Variants in ENPP3 observed in about 807,000 individuals in gnomAD.
The protein encoded by ENPP3 is ectonucleotide pyrophosphatase/phosphodiesterase family member 3.
Under a neutral mutation model 117.8 loss-of-function variants are expected in ENPP3, and 104 were observed. The ratio of observed to expected loss-of-function variants is 0.88; its 90% CI spans 0.75 to 1.04. The LOEUF (loss-of-function observed/expected upper bound fraction) is 1.04. Ranked by LOEUF, ENPP3 falls within the 50% of genes least tolerant of loss-of-function variation. The pLI, the probability that ENPP3 is intolerant of heterozygous loss-of-function variation, is 0.00. For missense variants in ENPP3, 1,026 were observed against 1,051.9 expected (o/e 0.98, Z 0.34); for synonymous variants, 380 against 349.9 (o/e 1.09, Z -0.96).
chr6:131,669,563 A>G (rs112203437), intron 6 of ENPP3, among the ~76,000 whole-genome samples: 6,327 of 145,656 alleles, frequency 0.043, 210 homozygotes, highest in Middle Eastern at 0.14. Flanking sequence ...AGTCCCAGCT[A>G]CTCGGGAGGC....
intron 7 of ENPP3, among the ~76,000 whole-genome samples, chr6:131,672,665 A>G (rs1182277564): frequency 1.3e-5 from 2 of 151,746 alleles, no homozygotes; most frequent in African/African-American, 2.4e-5. Context: ...ATAATTGACT[A>G]TATATACATA....
intron 24 of ENPP3, among the ~76,000 whole-genome samples, chr6:131,741,414 T>G (rs1182880496): frequency 6.6e-6 from 1 of 152,188 alleles, no homozygotes; most frequent in Non-Finnish European, 1.5e-5. Context: ...TAAAAGAGGT[T>G]GCAAAGTTGG....
chr6:131,729,311 A>G (rs1780224652), intron 20 of ENPP3, among the ~76,000 whole-genome samples: 1 of 152,232 alleles, frequency 6.6e-6, no homozygotes, highest in Admixed American at 6.5e-5. Flanking sequence ...CCTTACCGTA[A>G]GGCAAAATTG....
chr6:131,701,957 T>C, intron 15 of ENPP3, among the ~76,000 whole-genome samples: 1 of 151,990 alleles, frequency 6.6e-6, no homozygotes, highest in East Asian at 1.9e-4. Context: ...ATTACGTTAA[T>C]TTTTTAATAA....
At chr6:131,686,340 C>T (rs1007411583) in intron 14 of ENPP3, among the ~76,000 whole-genome samples, 1 of 152,156 alleles carries the variant, frequency 6.6e-6, no homozygotes, top group Non-Finnish European at 1.5e-5. Flanking sequence ...TTGGTTCCCA[C>T]ATCCCAAATT....
In ENPP3 at chr6:131,637,674, C is replaced by T. The variant is rs972998827; in HGVS notation, c.78+212C>T. On this transcript the variant is annotated intron_variant, in intron 1 of 24. Transcript: ENST00000357639. ...TTTGAGTAACAACAAGTTAACATTA[C>T]GTTAAACTCAAAAGTTGGAATCCAT... 4.6e-5 allele frequency among the ~76,000 whole-genome samples: 7 copies of T among 152,242 alleles called. No individual in the cohort carries two copies. In the South Asian group the frequency reaches 8.3e-4, roughly 18 times the overall value.
intron 15 of ENPP3, among the ~76,000 whole-genome samples, chr6:131,716,253 C>A (rs995064419): frequency 3.3e-5 from 5 of 152,126 alleles, no homozygotes; most frequent in South Asian, 4.1e-4. Flanking sequence ...TATCATTGTT[C>A]CATATGTAAC....
chr6:131,706,636 C>G, intron 15 of ENPP3, among the ~76,000 whole-genome samples: 1 of 149,752 alleles, frequency 6.7e-6, no homozygotes, highest in Non-Finnish European at 1.5e-5. Flanking sequence ...TTATAGAGAG[C>G]TTTTATCATG....
chr6:131,659,293 A>AC (rs1439534283), intron 6 of ENPP3, among the ~76,000 whole-genome samples: 6 of 148,208 alleles, frequency 4.0e-5, no homozygotes, highest in African/African-American at 1.6e-4. Flanking sequence ...ATTTAATAAT[A>AC]ATTTTTTTTT....
At chr6:131,697,357 T>C (rs2114464132) in intron 15 of ENPP3, among the ~76,000 whole-genome samples, 1 of 140,672 alleles carries the variant, frequency 7.1e-6, no homozygotes, top group South Asian at 2.4e-4. Flanking sequence ...ACGAGGATGG[T>C]CTAGCGCAGT....
At chr6:131,720,194 T>C (rs1193096171) in intron 16 of ENPP3, 98 bp from the exon 17 acceptor site, 3 of 680,276 alleles carry the variant, frequency 4.4e-6, no homozygotes, top group African/African-American at 3.7e-5. Context: ...CTAATACAAA[T>C]AGGAGAGTAG....
intron 24 of ENPP3, among the ~76,000 whole-genome samples, chr6:131,743,663 A>G (rs552021642): frequency 6.6e-6 from 1 of 151,986 alleles, no homozygotes; most frequent in South Asian, 2.1e-4. Flanking sequence ...CATCTATACT[A>G]AAAATACAAA....
At chr6:131,733,169 A>C (rs1237667780) in intron 20 of ENPP3, among the ~76,000 whole-genome samples, 1 of 152,228 alleles carries the variant, frequency 6.6e-6, no homozygotes, top group Admixed American at 6.5e-5. Context: ...GTTCTTGAAC[A>C]GCTGAAGAAT....
chr6:131,658,821 A>G (rs1778440617), intron 6 of ENPP3, among the ~76,000 whole-genome samples: 1 of 152,126 alleles, frequency 6.6e-6, no homozygotes, highest in African/African-American at 2.4e-5. Context: ...ACCTCCCACC[A>G]CTTCAGCCGA....
chr6:131,686,890 A>T (rs1267828437), intron 14 of ENPP3, among the ~76,000 whole-genome samples: 1 of 152,202 alleles, frequency 6.6e-6, no homozygotes, highest in Non-Finnish European at 1.5e-5. Context: ...TATATGTACC[A>T]CATTTTCTTT....
At chr6:131,644,890 G>A (rs2114295218) in intron 2 of ENPP3, among the ~76,000 whole-genome samples, 1 of 152,316 alleles carries the variant, frequency 6.6e-6, no homozygotes, top group East Asian at 1.9e-4. Flanking sequence ...TAACTATTGT[G>A]TTCTAGAAAC....
At chr6:131,654,341 A>G (rs921048882) in intron 5 of ENPP3, among the ~76,000 whole-genome samples, 4 of 151,428 alleles carry the variant, frequency 2.6e-5, no homozygotes, top group South Asian at 4.2e-4. Flanking sequence ...GGGGCTCACT[A>G]TGTTGCCCAG....
At chr6:131,647,985 TTCTG>T (rs1386992584) in intron 2 of ENPP3, among the ~76,000 whole-genome samples, 123 of 151,444 alleles carry the variant, frequency 8.1e-4, no homozygotes, top group African/African-American at 2.9e-3. Flanking sequence ...CCTTTTGCCT[TTCTG>T]TCTTTCTTTA....
intron 8 of ENPP3, among the ~76,000 whole-genome samples, chr6:131,674,772 A>C (rs1009331340): frequency 9.9e-5 from 15 of 151,910 alleles, no homozygotes; most frequent in African/African-American, 3.6e-4. Flanking sequence ...GGGTTTCACC[A>C]TGTTGGCCGG....
Sources: gnomAD v4.1 joint callset for allele counts (sites outside exome capture counted in the v4.1 genomes callset) on GRCh38, gnomAD v4.1.1 for gene constraint, MANE v1.5 for transcripts, NCBI Gene and HGNC (gene_info 2026-07-23, HGNC 2026-07-21) for gene names.